SPEF2: variants seen among roughly 807,000 people sequenced by gnomAD.
SPEF2 encodes the protein sperm flagellar and cilia associated 2, also known as sperm flagella and cilia-associated protein 2.
A neutral mutation model predicts 224.6 loss-of-function variants in SPEF2; 187 were observed. The ratio of observed to expected loss-of-function variants is 0.83; its 90% CI spans 0.74 to 0.94. The LOEUF (loss-of-function observed/expected upper bound fraction) is 0.94, where lower values mean the gene tolerates loss of function less well. Among genes scored for constraint, SPEF2 ranks in the 40% least tolerant of loss-of-function variants. The probability of loss-of-function intolerance (pLI) is 0.00; values close to 1 mark genes in which losing one functional copy is unlikely to be tolerated. For missense variants in SPEF2, 2,170 were observed against 2,135.6 expected, an observed-to-expected ratio of 1.02 and a Z score of -0.32; for synonymous variants, 715 against 707.3, an observed-to-expected ratio of 1.01 and a Z score of -0.17.
At chr5:35,627,804 G>A (rs935255134) in intron 1 of SPEF2, among the ~76,000 whole-genome samples, 8 of 152,228 alleles carry the variant, frequency 5.3e-5, no homozygotes, top group South Asian at 4.1e-4. Context: ...CTTGCCCAAC[G>A]TCACACAGCT....
intron 36 of SPEF2, chr5:35,807,880 A>G: frequency 6.8e-7 from 1 of 1,469,406 alleles, no homozygotes; most frequent in Admixed American, 2.3e-5. Context: ...GCAGGGACTA[A>G]GGAGGGCAGA....
At chr5:35,713,249 TA>T (rs529303740) in intron 20 of SPEF2, among the ~76,000 whole-genome samples, 225 of 152,212 alleles carry the variant, frequency 1.5e-3, no homozygotes, top group Non-Finnish European at 2.4e-3. Context: ...AGCACTTCGG[TA>T]AAAAATAAAA....
At chr5:35,672,481 C>T (rs1397855490) in intron 10 of SPEF2, among the ~76,000 whole-genome samples, 1 of 150,944 alleles carries the variant, frequency 6.6e-6, no homozygotes, top group Non-Finnish European at 1.5e-5. Flanking sequence ...TGCATTGTTC[C>T]GCTGCCTGTT....
intron 10 of SPEF2, among the ~76,000 whole-genome samples, chr5:35,685,326 A>G (rs994315821): frequency 1.6e-4 from 25 of 152,144 alleles, no homozygotes; most frequent in South Asian, 8.3e-4. Context: ...GTGTTCTCAT[A>G]TCAGAAATTC....
chr5:35,780,362 T>G (rs1389829), intron 30 of SPEF2, among the ~76,000 whole-genome samples: 41,650 of 151,950 alleles, frequency 0.27, 5,881 homozygotes, highest in African/African-American at 0.33. Flanking sequence ...ATAGGTGAAA[T>G]TGGTGTATGT....
chr5:35,780,879 A>G (rs1389797326), intron 30 of SPEF2, among the ~76,000 whole-genome samples: 1 of 152,198 alleles, frequency 6.6e-6, no homozygotes, highest in African/African-American at 2.4e-5. Flanking sequence ...CTTACAATAT[A>G]TCTTTCAGCA....
chr5:35,646,846 T>G (rs780101073), intron 5 of SPEF2, 39 bp downstream of exon 5: 1 of 1,600,802 alleles, frequency 6.2e-7, no homozygotes, highest in African/African-American at 1.3e-5. Context: ...GTGTTTATCT[T>G]AACTAAAGAA....
intron 14 of SPEF2, among the ~76,000 whole-genome samples, chr5:35,696,644 G>C (rs1028204945): frequency 6.6e-6 from 1 of 152,140 alleles, no homozygotes; most frequent in Non-Finnish European, 1.5e-5. Context: ...AGGATTTCCT[G>C]CCCTTATGGT....
chr5:35,692,013 T>C (rs1484334308), intron 11 of SPEF2, among the ~76,000 whole-genome samples: 1 of 151,470 alleles, frequency 6.6e-6, no homozygotes, highest in African/African-American at 2.4e-5. Flanking sequence ...TTGGCCAGGA[T>C]GGTCTCAATC....
At chr5:35,642,543 G>A (rs1247072523) in intron 3 of SPEF2, among the ~76,000 whole-genome samples, 1 of 152,150 alleles carries the variant, frequency 6.6e-6, no homozygotes, top group Non-Finnish European at 1.5e-5. Context: ...TAGTACATCA[G>A]ATTTGATGAA....
At chr5:35,736,523 T>C (rs1440946314) in intron 21 of SPEF2, among the ~76,000 whole-genome samples, 2 of 152,012 alleles carry the variant, frequency 1.3e-5, no homozygotes, top group Admixed American at 1.3e-4. Flanking sequence ...CAAACACTTA[T>C]AAAACCATCA....
At chr5:35,698,431 G>A (rs1278636686) in intron 15 of SPEF2, 1 of 152,312 alleles carries the variant, frequency 6.6e-6, no homozygotes, top group Middle Eastern at 3.4e-3. Context: ...CCAGAGCTAG[G>A]AGGGGCCTCA....
chr5:35,628,421 T>G, intron 1 of SPEF2, 39 bp from the exon 2 acceptor site: 1 of 1,361,038 alleles, frequency 7.3e-7, no homozygotes, highest in South Asian at 1.2e-5. Context: ...ATGCGCAACA[T>G]TGTATTCATG....
chr5:35,730,378 G>C (rs536261792), intron 21 of SPEF2, among the ~76,000 whole-genome samples: 1 of 152,194 alleles, frequency 6.6e-6, no homozygotes, highest in African/African-American at 2.4e-5. Flanking sequence ...GCCATGCCTC[G>C]GGCCATGTGG....
intron 19 of SPEF2, among the ~76,000 whole-genome samples, chr5:35,712,343 C>T (rs1741328846): frequency 6.6e-6 from 1 of 152,074 alleles, no homozygotes; most frequent in African/African-American, 2.4e-5. Context: ...CATCCTCTAG[C>T]CTCAACCTCA....
intron 30 of SPEF2, among the ~76,000 whole-genome samples, chr5:35,784,744 G>A (rs546090186): frequency 6.6e-6 from 1 of 152,112 alleles, no homozygotes; most frequent in African/African-American, 2.4e-5. Context: ...GAGAGCTTGT[G>A]GTCAGGTTGT....
intron 21 of SPEF2, among the ~76,000 whole-genome samples, chr5:35,728,658 C>T (rs79148394): frequency 0.028 from 4,261 of 151,978 alleles, 218 homozygotes; most frequent in African/African-American, 0.098. Context: ...AACTCTTTGG[C>T]GAGGGTAGGA....
At position 35,759,127 on chromosome 5, in the gene SPEF2, A is replaced by G. The variant is rs1035935635; in HGVS notation, c.3469-441A>G. On this transcript the variant is annotated intron_variant, in intron 24 of 36. Coordinates refer to ENST00000356031, the MANE Select transcript of SPEF2 (RefSeq NM_024867.4). ...ACCAGAACCCAGTGTTTTTTTTTGT[A>G]TTTGTATTTTGTATTTGTATGTATA... 7.8e-5 allele frequency among the ~76,000 whole-genome samples: 11 copies of G among 140,540 alleles called. No individual in the cohort carries two copies. The South Asian group carries it at 1.2e-3, about 15-fold the overall frequency. The allele number at this position is 140,540 out of a possible 152,430, so 92.2% of individuals were successfully genotyped here.
At chr5:35,644,976 C>A (rs950048806) in intron 4 of SPEF2, among the ~76,000 whole-genome samples, 2 of 152,174 alleles carry the variant, frequency 1.3e-5, no homozygotes, top group African/African-American at 2.4e-5. Flanking sequence ...TGAGGTAATT[C>A]TTTGCTTGCT....
Sources: gnomAD v4.1 joint callset for allele counts (sites outside exome capture counted in the v4.1 genomes callset) on GRCh38, gnomAD v4.1.1 for gene constraint, MANE v1.5 for transcripts, NCBI Gene and HGNC (gene_info 2026-07-23, HGNC 2026-07-21) for gene names.